Variants in LUZP2 observed in about 807,000 individuals in gnomAD.
The protein encoded by LUZP2 is leucine zipper protein 2.
A neutral mutation model predicts 51.6 loss-of-function variants in LUZP2; 52 were observed. That is an observed-to-expected ratio of 1.01 (90% confidence interval 0.81 to 1.27). The LOEUF (loss-of-function observed/expected upper bound fraction) is 1.27. Ranked by LOEUF, LUZP2 falls within the 50% of genes most tolerant of loss-of-function variation. The pLI, the probability that LUZP2 is intolerant of heterozygous loss-of-function variation, is 0.00. For missense variants in LUZP2, 436 were observed against 395.4 expected, an observed-to-expected ratio of 1.10 and a Z score of -0.87; for synonymous variants, 154 against 137.3, an observed-to-expected ratio of 1.12 and a Z score of -0.85.
chr11:24,663,105 A>G (rs1416338416), intron 1 of LUZP2, among the ~76,000 whole-genome samples: 1 of 152,136 alleles, frequency 6.6e-6, no homozygotes, highest in African/African-American at 2.4e-5. Context: ...CTAAGCATAT[A>G]TTTATGATAT....
rs373379579 is a variant in LUZP2, at chr11:24,902,812, C to T, written c.397-3179C>T. Among the ~76,000 whole-genome samples the T allele has an allele frequency of 5.9e-5, 9 of 152,130 alleles. No individual in the cohort carries two copies. The East Asian group carries it at 1.4e-3, about 23-fold the overall frequency. On this transcript the variant is annotated intron_variant, in intron 5 of 11. Coordinates refer to ENST00000336930, the MANE Select transcript of LUZP2 (RefSeq NM_001009909.4). The stretch of plus-strand genomic sequence containing the variant: ...AGTTAGTATTTGCTATAATTTATAT[C>T]ATTCAGATCAACATTCAAAATTTCC...
intron 5 of LUZP2, among the ~76,000 whole-genome samples, chr11:24,856,811 G>T (rs775232597): frequency 1.1e-4 from 16 of 151,914 alleles, no homozygotes; most frequent in Non-Finnish European, 2.4e-4. Flanking sequence ...GGAACTAGAG[G>T]CCATTATCTT....
chr11:24,684,357 T>C (rs900590222), intron 1 of LUZP2, among the ~76,000 whole-genome samples: 1 of 152,210 alleles, frequency 6.6e-6, no homozygotes, highest in African/African-American at 2.4e-5. Flanking sequence ...TTACTTCCTT[T>C]AGCCTTCACA....
At chr11:24,874,953 T>C (rs574560150) in intron 5 of LUZP2, among the ~76,000 whole-genome samples, 1 of 152,258 alleles carries the variant, frequency 6.6e-6, no homozygotes, top group Admixed American at 6.5e-5. Context: ...CTGAGCAAAT[T>C]ATCATCCATG....
intron 1 of LUZP2, among the ~76,000 whole-genome samples, chr11:24,558,965 G>C (rs903746106): frequency 6.6e-6 from 1 of 152,146 alleles, no homozygotes; most frequent in Non-Finnish European, 1.5e-5. Flanking sequence ...TTTAGCAGCA[G>C]AAATGGACTG....
At chr11:24,639,396 T>C (rs926222181) in intron 1 of LUZP2, among the ~76,000 whole-genome samples, 17 of 151,902 alleles carry the variant, frequency 1.1e-4, no homozygotes, top group African/African-American at 4.1e-4. Flanking sequence ...TAATTCTCTC[T>C]ATTTTATGTT....
intron 1 of LUZP2, among the ~76,000 whole-genome samples, chr11:24,641,022 A>C (rs1279949443): frequency 6.7e-6 from 1 of 149,680 alleles, no homozygotes; most frequent in African/African-American, 2.5e-5. Context: ...TATATATTTC[A>C]CTTGCCTCAG....
At chr11:24,537,193 A>G (rs905467685) in intron 1 of LUZP2, among the ~76,000 whole-genome samples, 1 of 151,954 alleles carries the variant, frequency 6.6e-6, no homozygotes, top group Admixed American at 6.6e-5. Flanking sequence ...CCAAAGTGTG[A>G]CACAAACAGA....
chr11:24,910,336 AC>A (rs1300885660), intron 6 of LUZP2, among the ~76,000 whole-genome samples: 1 of 152,196 alleles, frequency 6.6e-6, no homozygotes, highest in Non-Finnish European at 1.5e-5. Flanking sequence ...AATGTTAATC[AC>A]CAAGACAATG....
Position 24,893,531 on chromosome 11 carries a change from C to G in LUZP2, c.397-12460C>G, listed in dbSNP as rs539622893. ...TTTTATTAAAATAACAACAGAGATC[C>G]TTGGAGAAGACTACACATAATATAT... is the stretch of plus-strand genomic sequence containing the variant. On this transcript the variant is annotated intron_variant, in intron 5 of 11. Coordinates refer to ENST00000336930, the MANE Select transcript of LUZP2 (RefSeq NM_001009909.4). Among the ~76,000 whole-genome samples the G allele has an allele frequency of 7.9e-5, 12 of 152,072 alleles. No homozygotes were observed. The South Asian group carries it at 2.5e-3, about 32-fold the overall frequency.
intron 10 of LUZP2, among the ~76,000 whole-genome samples, chr11:25,076,852 A>C (rs1433476645): frequency 6.6e-6 from 1 of 151,220 alleles, no homozygotes; most frequent in Admixed American, 6.6e-5. Flanking sequence ...CTGGGATCTT[A>C]GTTCCAGAAA....
chr11:24,887,673 G>C (rs191237287), intron 5 of LUZP2, among the ~76,000 whole-genome samples: 3 of 152,292 alleles, frequency 2.0e-5, no homozygotes, highest in African/African-American at 7.2e-5. Context: ...TGGATGCAGA[G>C]GCAACATAAA....
intron 7 of LUZP2, among the ~76,000 whole-genome samples, chr11:24,964,712 C>A (rs902997856): frequency 1.3e-5 from 2 of 151,900 alleles, no homozygotes; most frequent in African/African-American, 4.8e-5. Flanking sequence ...TTAATAGTAA[C>A]TTTTGATAGA....
At position 25,033,360 on chromosome 11, in the gene LUZP2, T is replaced by C. The variant is rs189305734; in HGVS notation, c.766-16678T>C. ...GATTTTCTTGTACAGTTAGTGACCA[T>C]TTAGGTTTTTTAAATATTTGTATTG... On this transcript the variant is annotated intron_variant, in intron 9 of 11. Transcript: ENST00000336930. Among the ~76,000 whole-genome samples, 440 of 152,218 alleles carry C rather than the reference T, an allele frequency of 2.9e-3. 3 individuals are homozygous for C. Among genetic ancestry groups the C allele is most frequent in the African/African-American group, 1.0e-2 (414 of 41,562 alleles).
At chr11:24,739,974 C>T (rs1859074266) in intron 4 of LUZP2, among the ~76,000 whole-genome samples, 1 of 152,036 alleles carries the variant, frequency 6.6e-6, no homozygotes, top group Non-Finnish European at 1.5e-5. Context: ...TTTTTAGTAT[C>T]AGCTTGTCGA....
intron 10 of LUZP2, among the ~76,000 whole-genome samples, chr11:25,073,349 A>G (rs1451407954): frequency 1.3e-5 from 2 of 152,174 alleles, no homozygotes; most frequent in Non-Finnish European, 1.5e-5. Context: ...ACAGAGAACA[A>G]GAATCTATAA....
intron 7 of LUZP2, among the ~76,000 whole-genome samples, chr11:24,937,595 C>T (rs932873559): frequency 2.6e-5 from 4 of 152,242 alleles, no homozygotes; most frequent in Admixed American, 2.6e-4. Flanking sequence ...TGGTCTTAGT[C>T]TCATTCAAGA....
chr11:24,621,404 T>A (rs12222726), intron 1 of LUZP2, among the ~76,000 whole-genome samples: 4,555 of 144,802 alleles, frequency 0.031, 99 homozygotes, highest in South Asian at 0.12. Flanking sequence ...CAGGTAAATC[T>A]ATTTTTTTTT....
At chr11:24,698,397 G>C (rs1435180087) in intron 1 of LUZP2, among the ~76,000 whole-genome samples, 1 of 152,158 alleles carries the variant, frequency 6.6e-6, no homozygotes, top group African/African-American at 2.4e-5. Flanking sequence ...GCTTTGACTT[G>C]AACACTTCAA....
Sources: allele counts gnomAD v4.1 joint callset (sites outside exome capture counted in the v4.1 genomes callset), GRCh38; gene constraint gnomAD v4.1.1; transcripts MANE v1.5; gene names NCBI Gene and HGNC (gene_info 2026-07-23, HGNC 2026-07-21).